DNAH8: variants seen among roughly 807,000 people sequenced by gnomAD.
The protein encoded by DNAH8 is dynein axonemal heavy chain 8.
In DNAH8, 382 loss-of-function variants were observed where a neutral mutation model predicts 562.1. The observed-to-expected ratio is 0.68, with a 90% CI of 0.63 to 0.74. DNAH8 has a LOEUF of 0.74. Ranked by LOEUF, DNAH8 falls within the 30% of genes least tolerant of loss-of-function variation. DNAH8 has a pLI of 0.00. For synonymous variants in DNAH8, 1,881 were observed against 1,919.4 expected, an observed-to-expected ratio of 0.98 and a Z score of 0.52; for missense variants, 5,203 against 5,620.4, an observed-to-expected ratio of 0.93 and a Z score of 2.37.
intron 12 of DNAH8, among the ~76,000 whole-genome samples, chr6:38,771,004 A>G (rs1297152113): frequency 2.0e-5 from 3 of 152,216 alleles, no homozygotes; most frequent in Admixed American, 1.3e-4. Context: ...TTTTCTGGAC[A>G]GACATAGGTT....
rs774142573 is a variant in DNAH8, at chr6:38,951,507, G to A, written c.12438G>A (p.Lys4146=). 23 of 1,613,578 alleles carry A rather than the reference G, an allele frequency of 1.4e-5. No individual in the cohort carries two copies. Among genetic ancestry groups the A allele is most frequent in the Non-Finnish European group, 1.9e-5 (23 of 1,179,822 alleles). Residue 4146 remains lysine, a synonymous_variant, in exon 82 of 93, where the codon AAG becomes AAA. Transcript: ENST00000327475. ...DPTNQIDALA[K]KLKLECRTIS... ...CCAATCAAATTGATGCATTGGCCAA[G>A]AAACTGAAACTGGGTAAGACTAGCA... is the stretch of plus-strand genomic sequence containing the variant.
chr6:38,889,692 G>A (rs1231300209), intron 57 of DNAH8, among the ~76,000 whole-genome samples: 2 of 152,144 alleles, frequency 1.3e-5, no homozygotes, highest in Non-Finnish European at 2.9e-5. Context: ...TTATAACATG[G>A]TTGTCCCACA....
intron 92 of DNAH8, among the ~76,000 whole-genome samples, chr6:39,029,678 G>A (rs1009315779): frequency 2.6e-5 from 4 of 152,118 alleles, no homozygotes; most frequent in Non-Finnish European, 4.4e-5. Flanking sequence ...TCCTGTGACT[G>A]AGATGAAGTT....
At chr6:38,922,341 T>C (rs1280571888) in intron 71 of DNAH8, among the ~76,000 whole-genome samples, 2 of 151,864 alleles carry the variant, frequency 1.3e-5, no homozygotes, top group African/African-American at 4.8e-5. Context: ...CTCCCATCAC[T>C]GGCAATTTTA....
intron 77 of DNAH8, 37 bp from the exon 78 acceptor site, chr6:38,937,937 G>A (rs769867073): frequency 5.6e-6 from 9 of 1,599,646 alleles, no homozygotes; most frequent in East Asian, 2.2e-5. Flanking sequence ...CAAGTTTCCC[G>A]TCTTGTGTAC....
At chr6:38,957,866 C>CAAAAAAAAAAAAAAAAAA (rs1209427701) in intron 82 of DNAH8, among the ~76,000 whole-genome samples, 8 of 75,886 alleles carry the variant, frequency 1.1e-4, no homozygotes, top group African/African-American at 1.6e-4. Flanking sequence ...ATGCCTACAC[C>CAAAAAAAAAAAAAAAAAA]AAAAAAAAAA....
chr6:38,975,168 C>T (rs1244772185), intron 85 of DNAH8, among the ~76,000 whole-genome samples: 2 of 152,152 alleles, frequency 1.3e-5, no homozygotes, highest in African/African-American at 4.8e-5. Flanking sequence ...AGTACTGACG[C>T]AGTAATTTAA....
chr6:38,911,671 G>T, intron 66 of DNAH8, 85 bp downstream of exon 66: 1 of 946,696 alleles, frequency 1.1e-6, no homozygotes, highest in Non-Finnish European at 1.6e-6. Flanking sequence ...TGGACATTTT[G>T]TCTGAAAATG....
intron 91 of DNAH8, among the ~76,000 whole-genome samples, chr6:39,013,986 T>C (rs910043309): frequency 1.3e-5 from 2 of 152,166 alleles, no homozygotes; most frequent in African/African-American, 2.4e-5. Context: ...TTCCTTGATA[T>C]TGCTGTATAC....
intron 80 of DNAH8, among the ~76,000 whole-genome samples, chr6:38,947,140 A>G (rs1261823316): frequency 6.6e-6 from 1 of 152,196 alleles, no homozygotes; most frequent in Non-Finnish European, 1.5e-5. Flanking sequence ...CCCATTGCCA[A>G]TAAGTGGCAA....
At chr6:39,021,636 G>C (rs552791196) in intron 91 of DNAH8, among the ~76,000 whole-genome samples, 3 of 152,294 alleles carry the variant, frequency 2.0e-5, no homozygotes, top group Admixed American at 6.5e-5. Context: ...AACTACATTT[G>C]CTTCTCATTT....
intron 46 of DNAH8, 21 bp from the exon 47 acceptor site, chr6:38,866,748 A>G (rs141696755): frequency 6.2e-7 from 1 of 1,601,996 alleles, no homozygotes; most frequent in Non-Finnish European, 8.5e-7. Flanking sequence ...GTTGAAAAAA[A>G]CTCACTATAT....
At chr6:38,897,748 T>C (rs1189847465) in intron 60 of DNAH8, among the ~76,000 whole-genome samples, 1 of 152,048 alleles carries the variant, frequency 6.6e-6, no homozygotes, top group Admixed American at 6.6e-5. Flanking sequence ...ACCACTGCAC[T>C]CCAGTCCGGG....
In DNAH8 at chr6:38,984,214, A is replaced by G; in HGVS notation, c.12960A>G (p.Ser4320=). 6.3e-7 allele frequency: 1 copy of G among 1,578,886 alleles called. No homozygotes were observed. Among genetic ancestry groups the G allele is most frequent in the Non-Finnish European group, 8.7e-7 (1 of 1,148,876 alleles). ...TTTTACTTTTAATAAAGGGTGTATCATGGAATACGGTTCGGTACATGATCG... is the reference window on the plus strand; with the variant it reads ...TTTTACTTTTAATAAAGGGTGTATCGTGGAATACGGTTCGGTACATGATCG... ...LDECDIKKGV[S]WNTVRYMIGE... is the part of the protein sequence containing the mutation. Residue 4320 remains serine, a synonymous_variant, in exon 87 of 93, where the codon TCA becomes TCG. Transcript: ENST00000327475.
chr6:38,723,118 G>C lies in DNAH8; in HGVS notation c.309G>C (p.Leu103Phe). 3 of 1,612,836 alleles carry C rather than the reference G, an allele frequency of 1.9e-6. No individual in the cohort carries two copies. The highest frequency in any genetic ancestry group is 2.5e-6 in the Non-Finnish European group (3 of 1,179,892). ...CAGTGATTTCGGAAGTGCTGTCCTTGCCGTCTTCCCGGAGGTCCTCCAGAT... is the reference window on the plus strand; with the variant it reads ...CAGTGATTTCGGAAGTGCTGTCCTTCCCGTCTTCCCGGAGGTCCTCCAGAT... ...VQSVISEVLS[L>F]PSSRRSSRYR... Residue 103 changes from leucine (L) to phenylalanine (F), a missense_variant, in exon 2 of 93, where the codon TTG becomes TTC. By Grantham distance (22) the Leu-to-Phe change is conservative (BLOSUM62 0). Around this residue, in one of 6 missense-constraint regions of DNAH8, gnomAD observed 556 missense variants for 496.9 expected, o/e 1.12. Coordinates refer to ENST00000327475, the MANE Select transcript of DNAH8 (RefSeq NM_001206927.2).
At chr6:38,898,466 T>A in intron 61 of DNAH8, 86 bp downstream of exon 61, 1 of 1,174,526 alleles carries the variant, frequency 8.5e-7, no homozygotes, top group African/African-American at 1.6e-5. Context: ...AGAGAATAAC[T>A]ATATACTATC....
At chr6:38,813,301 C>T (rs1392463292) in intron 24 of DNAH8, among the ~76,000 whole-genome samples, 1 of 152,102 alleles carries the variant, frequency 6.6e-6, no homozygotes, top group East Asian at 1.9e-4. Flanking sequence ...TTTGTTCAGT[C>T]CTTTCCAATA....
Position 38,898,384 on chromosome 6 carries a change from C to CTT in DNAH8, c.9063+5_9063+6insTT. On this transcript the variant is annotated splice_donor_region_variant and intron_variant, in intron 61 of 92. Transcript: ENST00000327475. ...TGCAATGACTCATCTTATTAAGGTCCTAACTATTGCCTATTTACTGATATA... is the reference window on the plus strand; with the variant it reads ...TGCAATGACTCATCTTATTAAGGTCCTTTAACTATTGCCTATTTACTGATATA... 6.4e-7 allele frequency: 1 copy of CTT among 1,553,596 alleles called. No homozygotes were observed. Among genetic ancestry groups the CTT allele is most frequent in the African/African-American group, 1.4e-5 (1 of 71,064 alleles).
rs562039648 is a variant in DNAH8 at position 38,863,776 on chromosome 6, T to A, written c.6311-97T>A. 7 of 958,938 alleles carry A rather than the reference T, an allele frequency of 7.3e-6. No individual in the cohort carries two copies. The South Asian group carries it at 1.1e-4, about 16-fold the overall frequency. 59.4% of individuals were successfully genotyped at this position (958,938 alleles called of 1,614,324 possible). A position where few individuals can be genotyped will look rare whatever the true frequency, so the allele number is the denominator to read the frequency against. ...ATATGAAACTTTACATAATCCCGTT[T>A]CAATGTATAATGGTTTGGGAGCACT... On this transcript the variant is annotated intron_variant, in intron 44 of 92. Transcript: ENST00000327475.
Sources: gnomAD v4.1 joint callset for allele counts (sites outside exome capture counted in the v4.1 genomes callset) on GRCh38, gnomAD v4.1.1 for gene constraint, gnomAD v4.1.1 regional missense constraint, MANE v1.5 for transcripts, NCBI Gene and HGNC (gene_info 2026-07-23, HGNC 2026-07-21) for gene names.